Variants in ATXN7L1 observed in about 807,000 individuals in gnomAD.
The protein encoded by ATXN7L1 is ataxin 7 like 1, also known as ataxin-7-like protein 1.
ATXN7L1 carries 15 observed loss-of-function variants against 70.8 expected under a neutral mutation model. The observed-to-expected ratio is 0.21, with a 90% CI of 0.14 to 0.33. The LOEUF is 0.33. Among genes scored for constraint, ATXN7L1 ranks in the 10% least tolerant of loss-of-function variants. The pLI is 1.00. For missense variants in ATXN7L1, 975 were observed against 1,097.1 expected (o/e 0.89, Z 1.57); for synonymous variants, 440 against 445.1 (o/e 0.99, Z 0.14).
intron 3 of ATXN7L1, among the ~76,000 whole-genome samples, chr7:105,758,219 C>T (rs909499274): frequency 6.6e-6 from 1 of 152,178 alleles, no homozygotes; most frequent in East Asian, 1.9e-4. Context: ...AGCAGAACTT[C>T]GCAAGGGGAA....
At chr7:105,756,903 T>C (rs551398687) in intron 3 of ATXN7L1, among the ~76,000 whole-genome samples, 1 of 152,294 alleles carries the variant, frequency 6.6e-6, no homozygotes, top group South Asian at 2.1e-4. Flanking sequence ...AATAGTGTTA[T>C]ACTAGTAGAT....
intron 4 of ATXN7L1, among the ~76,000 whole-genome samples, chr7:105,651,947 C>T (rs956673350): frequency 6.6e-6 from 1 of 152,254 alleles, no homozygotes; most frequent in Admixed American, 6.5e-5. Context: ...CGCATGTCTC[C>T]CTGCTGGTCT....
intron 4 of ATXN7L1, among the ~76,000 whole-genome samples, chr7:105,643,730 T>C (rs1798593253): frequency 6.6e-6 from 1 of 152,218 alleles, no homozygotes; most frequent in South Asian, 2.1e-4. Flanking sequence ...TGTAGCATTA[T>C]CCAATATTCC....
chr7:105,621,550 T>C (rs2392746), intron 8 of ATXN7L1, among the ~76,000 whole-genome samples: 37,621 of 152,092 alleles, frequency 0.25, 5,517 homozygotes, highest in Non-Finnish European at 0.34. Flanking sequence ...GCACACTATC[T>C]CTCTTAAAAT....
chr7:105,639,420 G>C, intron 6 of ATXN7L1, 67 bp downstream of exon 6: 1 of 1,240,906 alleles, frequency 8.1e-7, no homozygotes, highest in Non-Finnish European at 1.2e-6. Flanking sequence ...TGCAGAGAGT[G>C]GCATGCAAAC....
At chr7:105,870,097 C>T (rs912379151) in intron 2 of ATXN7L1, among the ~76,000 whole-genome samples, 6 of 151,970 alleles carry the variant, frequency 3.9e-5, no homozygotes, top group South Asian at 2.1e-4. Context: ...CTGGTTAACA[C>T]GGTGAAACCC....
chr7:105,852,710 GTC>G (rs1394178398), intron 2 of ATXN7L1, among the ~76,000 whole-genome samples: 3 of 151,514 alleles, frequency 2.0e-5, no homozygotes, highest in African/African-American at 7.3e-5. Flanking sequence ...TTCTCTCCAG[GTC>G]TCTGTTTGAC....
intron 2 of ATXN7L1, among the ~76,000 whole-genome samples, chr7:105,809,379 T>A (rs952960727): frequency 6.6e-6 from 1 of 152,180 alleles, no homozygotes; most frequent in African/African-American, 2.4e-5. Flanking sequence ...CTGACTCAGC[T>A]TGCACTACTG....
At chr7:105,751,581 A>G (rs1290609095) in intron 3 of ATXN7L1, among the ~76,000 whole-genome samples, 1 of 152,066 alleles carries the variant, frequency 6.6e-6, no homozygotes, top group Non-Finnish European at 1.5e-5. Flanking sequence ...AGCTGCAGTA[A>G]GCTGTGATCT....
intron 3 of ATXN7L1, among the ~76,000 whole-genome samples, chr7:105,782,763 A>T (rs1040157887): frequency 1.3e-5 from 2 of 152,246 alleles, no homozygotes; most frequent in African/African-American, 4.8e-5. Context: ...TTGCAAAGCC[A>T]AGCCCTCAGG....
At chr7:105,790,677 A>ATCTG (rs2116487743) in intron 2 of ATXN7L1, among the ~76,000 whole-genome samples, 1 of 132,390 alleles carries the variant, frequency 7.6e-6, no homozygotes, top group South Asian at 2.5e-4. Context: ...TCTATCTACT[A>ATCTG]TCTATCTATC....
chr7:105,626,224 C>A (rs1795672911), intron 7 of ATXN7L1, among the ~76,000 whole-genome samples: 1 of 152,174 alleles, frequency 6.6e-6, no homozygotes, highest in South Asian at 2.1e-4. Flanking sequence ...TGAAATTCTG[C>A]TACTATATGA....
intron 3 of ATXN7L1, among the ~76,000 whole-genome samples, chr7:105,669,916 T>C (rs1011484997): frequency 9.0e-6 from 1 of 111,382 alleles, no homozygotes; most frequent in African/African-American, 3.7e-5. Flanking sequence ...CTAAACTCCA[T>C]CTCAAAAAAA....
At chr7:105,659,098 C>G (rs889994642) in intron 4 of ATXN7L1, among the ~76,000 whole-genome samples, 1 of 152,152 alleles carries the variant, frequency 6.6e-6, no homozygotes, top group South Asian at 2.1e-4. Flanking sequence ...GATCACGCCA[C>G]TGTACTCCAA....
chr7:105,749,848 G>T (rs1338030528), intron 3 of ATXN7L1, among the ~76,000 whole-genome samples: 4 of 151,762 alleles, frequency 2.6e-5, no homozygotes. Context: ...ATTGTCTGTT[G>T]TCACCCCTGC....
At chr7:105,831,232 T>A (rs1371468555) in intron 2 of ATXN7L1, among the ~76,000 whole-genome samples, 1 of 152,206 alleles carries the variant, frequency 6.6e-6, no homozygotes, top group African/African-American at 2.4e-5. Context: ...CATGAAGAAT[T>A]CTACTTCAAA....
intron 3 of ATXN7L1, among the ~76,000 whole-genome samples, chr7:105,782,007 A>G (rs1688407852): frequency 6.6e-6 from 1 of 152,002 alleles, no homozygotes; most frequent in African/African-American, 2.4e-5. Flanking sequence ...ATATTTTTGT[A>G]TTTTTGGTAA....
chr7:105,672,701 CAGAT>C (rs1803955225), intron 3 of ATXN7L1, among the ~76,000 whole-genome samples: 1 of 152,146 alleles, frequency 6.6e-6, no homozygotes, highest in African/African-American at 2.4e-5. Flanking sequence ...GATTCTGCTA[CAGAT>C]AGGAGGAATC....
At chr7:105,786,655 G>A (rs1243655879) in intron 3 of ATXN7L1, among the ~76,000 whole-genome samples, 1 of 152,024 alleles carries the variant, frequency 6.6e-6, no homozygotes, top group African/African-American at 2.4e-5. Flanking sequence ...CAGTAGCTGA[G>A]ACTTACAGGT....
Sources: gnomAD v4.1 joint callset for allele counts (sites outside exome capture counted in the v4.1 genomes callset) on GRCh38, gnomAD v4.1.1 for gene constraint, MANE v1.5 for transcripts, NCBI Gene and HGNC (gene_info 2026-07-23, HGNC 2026-07-21) for gene names.